ADGB: variants seen among roughly 807,000 people sequenced by gnomAD.
ADGB encodes the protein calpain-7-like protein.
ADGB carries 172 observed loss-of-function variants against 210.5 expected under a neutral mutation model. That is an observed-to-expected ratio of 0.82 (90% CI 0.72 to 0.93). The LOEUF is 0.93. ADGB is among the 40% of genes least tolerant of loss of function. ADGB has a pLI of 0.00. For missense variants in ADGB, 2,025 were observed against 1,964.8 expected (o/e 1.03, Z -0.58); for synonymous variants, 658 against 662.7 (o/e 0.99, Z 0.11).
chr6:146,728,319 T>C (rs982456730), intron 19 of ADGB, among the ~76,000 whole-genome samples: 17 of 152,160 alleles, frequency 1.1e-4, no homozygotes, highest in African/African-American at 3.9e-4. Flanking sequence ...TGGTTATTAA[T>C]ACGGTGGGGG....
Position 146,644,793 on chromosome 6 carries a change from A to G in ADGB, c.258A>G (p.Glu86=), listed in dbSNP as rs1775582395. 6.7e-7 allele frequency: 1 copy of G among 1,482,548 alleles called. No homozygotes were observed. The highest frequency in any genetic ancestry group is 9.0e-7 in the Non-Finnish European group (1 of 1,115,244). The allele number at this position is 1,482,548 out of a possible 1,614,324, so 91.8% of individuals were successfully genotyped here. ...SPVFHFFEDP[E]GKIELPPSLK... The stretch of plus-strand genomic sequence containing the variant: ...TATAGCATTTTTTTGAGGACCCTGA[A>G]GGAAAGATTGAGTTACCACCATCCT... The change falls in exon 3 of 36, where the codon GAA becomes GAG. Residue 86 remains glutamate (E), a synonymous_variant. Coordinates refer to ENST00000397944, the MANE Select transcript of ADGB (RefSeq NM_024694.4).
intron 1 of ADGB, among the ~76,000 whole-genome samples, chr6:146,606,470 A>G (rs1265040719): frequency 1.3e-5 from 2 of 152,084 alleles, no homozygotes; most frequent in Non-Finnish European, 2.9e-5. Context: ...AATATTTTCC[A>G]GGGCCTATGT....
At chr6:146,657,157 G>T (rs1219953339) in intron 5 of ADGB, among the ~76,000 whole-genome samples, 177 bp downstream of exon 5, 1 of 151,852 alleles carries the variant, frequency 6.6e-6, no homozygotes, top group Non-Finnish European at 1.5e-5. Flanking sequence ...AAATGCTGTT[G>T]CTACTAAAAA....
intron 27 of ADGB, 128 bp from the exon 28 acceptor site, chr6:146,763,773 T>A: frequency 1.2e-6 from 1 of 830,322 alleles, no homozygotes; most frequent in Non-Finnish European, 1.8e-6. Context: ...ACACTGTTTT[T>A]TATCTCACTA....
rs796807491 is a variant in ADGB, at chr6:146,717,453, T to A, written c.1929-83T>A. The A allele has an allele frequency of 1.5e-5, 11 of 752,416 alleles. No individual in the cohort carries two copies. The African/African-American group carries it at 1.7e-4, about 11-fold the overall frequency. 46.6% of individuals were successfully genotyped at this position (752,416 alleles called of 1,614,324 possible). A position where few individuals can be genotyped will look rare whatever the true frequency, so the allele number is the denominator to read the frequency against. ...TTATTTTTTAACTTTCTTCCTACAA[T>A]AATTTGATTATAAGAAACTTAACAT... On this transcript the variant is annotated intron_variant, in intron 15 of 35. Transcript: ENST00000397944.
rs117423799 is a variant in ADGB at position 146,641,701 on chromosome 6, T to C, written c.238-3072T>C. Among the ~76,000 whole-genome samples the C allele has an allele frequency of 4.8e-3, 734 of 152,150 alleles. 12 individuals are homozygous for C. The East Asian group carries it at 0.061, about 13-fold the overall frequency. On this transcript the variant is annotated intron_variant, in intron 2 of 35. Coordinates refer to ENST00000397944, the MANE Select transcript of ADGB (RefSeq NM_024694.4). ...TGGTGCTGAGATAGCTGACTAGCCA[T>C]ATGCAGAAGATTGAAGCTAGACCCT...
At chr6:146,766,177 C>T (rs1476538508) in intron 28 of ADGB, among the ~76,000 whole-genome samples, 1 of 151,502 alleles carries the variant, frequency 6.6e-6, no homozygotes, top group East Asian at 2.0e-4. Context: ...AATTCCAGCA[C>T]TTTGGGAGGC....
intron 1 of ADGB, among the ~76,000 whole-genome samples, chr6:146,633,162 C>G (rs888511532): frequency 6.6e-6 from 1 of 152,094 alleles, no homozygotes; most frequent in East Asian, 1.9e-4. Context: ...CTCCGTACCA[C>G]GGTCTTCTGT....
intron 11 of ADGB, 136 bp downstream of exon 11, chr6:146,691,426 AT>A (rs1776308843): frequency 5.2e-5 from 1 of 19,240 alleles, no homozygotes; most frequent in African/African-American, 2.5e-4. Context: ...ATATATATAT[AT>A]ATATATATAT....
intron 7 of ADGB, among the ~76,000 whole-genome samples, chr6:146,667,691 C>G (rs1032416402): frequency 6.6e-6 from 1 of 152,008 alleles, no homozygotes; most frequent in Non-Finnish European, 1.5e-5. Context: ...CACTTATAAA[C>G]CTGTCACACT....
chr6:146,765,471 T>C (rs1331996182), intron 28 of ADGB, among the ~76,000 whole-genome samples: 1 of 151,808 alleles, frequency 6.6e-6, no homozygotes, highest in Admixed American at 6.6e-5. Context: ...TAATAGACAA[T>C]AAATGGAAGC....
intron 9 of ADGB, among the ~76,000 whole-genome samples, chr6:146,680,138 C>T (rs1776138138): frequency 6.6e-6 from 1 of 152,136 alleles, no homozygotes; most frequent in Non-Finnish European, 1.5e-5. Context: ...TTTTCCCAGC[C>T]TCTTTTAAGT....
chr6:146,721,848 A>T (rs989593945), intron 17 of ADGB, among the ~76,000 whole-genome samples: 3 of 151,926 alleles, frequency 2.0e-5, no homozygotes, highest in Non-Finnish European at 2.9e-5. Context: ...CAAAAAAAAT[A>T]AAAAAATTTT....
Position 146,635,411 on chromosome 6 carries a change from T to A in ADGB, c.111T>A (p.Ser37=). The A allele has an allele frequency of 6.5e-7, 1 of 1,547,130 alleles. No homozygotes were observed. Among genetic ancestry groups the A allele is most frequent in the Non-Finnish European group, 8.7e-7 (1 of 1,144,632 alleles). The change falls in exon 2 of 36, where the codon TCT becomes TCA. Residue 37 remains serine (S), a synonymous_variant. Coordinates refer to ENST00000397944, the MANE Select transcript of ADGB (RefSeq NM_024694.4). ...TTGGCAGTAATGTACAATCTGGTTC[T>A]ACTGAACAAAAGAAGGGGAAATTCC... ...YPFGSNVQSG[S]TEQKKGKFPL...
At chr6:146,633,646 C>T (rs1412886856) in intron 1 of ADGB, among the ~76,000 whole-genome samples, 3 of 152,094 alleles carry the variant, frequency 2.0e-5, no homozygotes. Flanking sequence ...CTTGATCCCT[C>T]ACTTTCTTTT....
chr6:146,697,065 A>G (rs920077405), intron 12 of ADGB, among the ~76,000 whole-genome samples: 19 of 152,206 alleles, frequency 1.2e-4, no homozygotes, highest in Non-Finnish European at 2.8e-4. Flanking sequence ...AGGGAAAAAA[A>G]AGACTAACTA....
intron 28 of ADGB, among the ~76,000 whole-genome samples, chr6:146,767,627 C>T (rs910396890): frequency 6.6e-6 from 1 of 152,160 alleles, no homozygotes; most frequent in Non-Finnish European, 1.5e-5. Context: ...TGCCCCCACA[C>T]CCGGCTAATA....
chr6:146,758,480 T>C (rs1020555924), intron 27 of ADGB, among the ~76,000 whole-genome samples: 2 of 152,058 alleles, frequency 1.3e-5, no homozygotes, highest in African/African-American at 4.8e-5. Context: ...AGTTTAATCA[T>C]TATTTCATTG....
intron 3 of ADGB, among the ~76,000 whole-genome samples, chr6:146,647,116 AAAC>A (rs1562263818): frequency 7.0e-6 from 1 of 143,822 alleles, no homozygotes; most frequent in Non-Finnish European, 1.5e-5. Flanking sequence ...AAAAAACAAA[AAAC>A]AAACAAACAA....
Sources: allele counts gnomAD v4.1 joint callset (sites outside exome capture counted in the v4.1 genomes callset), GRCh38; gene constraint gnomAD v4.1.1; transcripts MANE v1.5; gene names NCBI Gene and HGNC (gene_info 2026-07-23, HGNC 2026-07-21).